SLC9A9: variants seen among roughly 807,000 people sequenced by gnomAD.
SLC9A9 encodes sodium/hydrogen exchanger 9.
A neutral mutation model predicts 77.8 loss-of-function variants in SLC9A9; 62 were observed. The observed-to-expected ratio is 0.80, with a 90% CI of 0.65 to 0.98. The LOEUF is 0.98. Among genes scored for constraint, SLC9A9 ranks in the 50% least tolerant of loss-of-function variants. SLC9A9 has a pLI of 0.00. For synonymous variants in SLC9A9, 320 were observed against 283.5 expected, an observed-to-expected ratio of 1.13 and a Z score of -1.29; for missense variants, 775 against 774.9, an observed-to-expected ratio of 1.00 and a Z score of 0.00.
intron 2 of SLC9A9, among the ~76,000 whole-genome samples, chr3:143,799,314 T>C (rs1212277048): frequency 1.3e-5 from 2 of 152,164 alleles, no homozygotes; most frequent in African/African-American, 2.4e-5. Context: ...CTCCCAACAT[T>C]AAGTAAAGCT....
At chr3:143,748,498 C>A (rs2108822377) in intron 4 of SLC9A9, among the ~76,000 whole-genome samples, 1 of 152,222 alleles carries the variant, frequency 6.6e-6, no homozygotes, top group South Asian at 2.1e-4. Flanking sequence ...TGAAAATTCC[C>A]CTCACTAAAT....
intron 13 of SLC9A9, among the ~76,000 whole-genome samples, chr3:143,368,259 A>G (rs898753169): frequency 1.3e-5 from 2 of 152,196 alleles, no homozygotes; most frequent in African/African-American, 4.8e-5. Flanking sequence ...AGGGAGCAAC[A>G]GAAAAATTAT....
intron 14 of SLC9A9, among the ~76,000 whole-genome samples, chr3:143,320,900 G>T (rs150693857): frequency 2.0e-5 from 3 of 152,288 alleles, no homozygotes; most frequent in African/African-American, 7.2e-5. Flanking sequence ...AAAGAAGAGA[G>T]AAATTTGTAC....
intron 6 of SLC9A9, among the ~76,000 whole-genome samples, chr3:143,616,338 C>A (rs752199860): frequency 6.6e-6 from 1 of 152,000 alleles, no homozygotes. Flanking sequence ...ACTAGAAGTA[C>A]AAAAATTTAT....
chr3:143,336,574 A>G (rs1304135510), intron 14 of SLC9A9, among the ~76,000 whole-genome samples: 2 of 152,222 alleles, frequency 1.3e-5, no homozygotes, highest in Non-Finnish European at 2.9e-5. Context: ...TAAAAAGGAC[A>G]GAAATTCTGT....
At chr3:143,468,819 T>G (rs112264503) in intron 11 of SLC9A9, among the ~76,000 whole-genome samples, 2 of 152,220 alleles carry the variant, frequency 1.3e-5, no homozygotes, top group African/African-American at 4.8e-5. Flanking sequence ...TGTAATATTA[T>G]GCTAATTGCA....
intron 12 of SLC9A9, among the ~76,000 whole-genome samples, chr3:143,441,354 G>A (rs1307759668): frequency 6.6e-6 from 1 of 152,150 alleles, no homozygotes; most frequent in Non-Finnish European, 1.5e-5. Flanking sequence ...GGGAGGGTGG[G>A]AAGTGTACTT....
At position 143,266,380 on chromosome 3, in the gene SLC9A9, G is replaced by A. The variant is rs1004572808; in HGVS notation, c.*322C>T. ...GTGAAGGGCCTGGAGAGCCGCATTC[G>A]CAGCAGAAATGCCCTGAAGACCCAG... On this transcript the variant is annotated 3_prime_UTR_variant, in exon 16 of 16. Transcript: ENST00000316549. 3.8e-5 allele frequency: 21 copies of A among 545,796 alleles called. No homozygotes were observed. Among genetic ancestry groups the A allele is most frequent in the East Asian group, 2.9e-4 (9 of 31,418 alleles). 33.8% of individuals were successfully genotyped at this position (545,796 alleles called of 1,614,324 possible).
At chr3:143,813,884 C>G (rs6784258) in intron 2 of SLC9A9, among the ~76,000 whole-genome samples, 10 of 152,118 alleles carry the variant, frequency 6.6e-5, no homozygotes, top group African/African-American at 2.4e-4. Context: ...GATTAGTTTG[C>G]AGAGACCTCA....
intron 4 of SLC9A9, among the ~76,000 whole-genome samples, chr3:143,732,400 C>A (rs972740734): frequency 1.3e-5 from 2 of 152,188 alleles, no homozygotes; most frequent in Admixed American, 1.3e-4. Context: ...TGGAGCAGAT[C>A]TTCATTACCC....
intron 4 of SLC9A9, among the ~76,000 whole-genome samples, chr3:143,749,684 C>G (rs542383932): frequency 3.3e-5 from 5 of 152,136 alleles, no homozygotes; most frequent in African/African-American, 9.7e-5. Flanking sequence ...ATTTCCAGGA[C>G]GAAGTGGTTC....
chr3:143,675,721 G>A (rs954946155), intron 5 of SLC9A9, among the ~76,000 whole-genome samples: 28 of 152,298 alleles, frequency 1.8e-4, no homozygotes, highest in African/African-American at 5.8e-4. Flanking sequence ...ATATAAAAAT[G>A]ATTGGTTATT....
intron 1 of SLC9A9, among the ~76,000 whole-genome samples, chr3:143,845,876 G>C (rs1254889019): frequency 6.6e-6 from 1 of 152,176 alleles, no homozygotes; most frequent in African/African-American, 2.4e-5. Context: ...TTCAGAATTT[G>C]CTTTCAATAA....
At chr3:143,387,483 T>C (rs1343197234) in intron 12 of SLC9A9, among the ~76,000 whole-genome samples, 1 of 152,090 alleles carries the variant, frequency 6.6e-6, no homozygotes, top group Non-Finnish European at 1.5e-5. Context: ...TAAAAAAGGC[T>C]GGTTAAAATT....
chr3:143,834,396 A>G (rs2009514812), intron 1 of SLC9A9, among the ~76,000 whole-genome samples: 1 of 152,098 alleles, frequency 6.6e-6, no homozygotes, highest in Non-Finnish European at 1.5e-5. Flanking sequence ...TTTTCAACAC[A>G]CGTTGCTTAG....
intron 8 of SLC9A9, among the ~76,000 whole-genome samples, chr3:143,555,057 T>C (rs766090906): frequency 6.6e-6 from 1 of 152,232 alleles, no homozygotes; most frequent in Non-Finnish European, 1.5e-5. Flanking sequence ...AAATCTCATC[T>C]TGTTGTAGTT....
chr3:143,711,494 G>C (rs888870533), intron 4 of SLC9A9, among the ~76,000 whole-genome samples: 3 of 151,862 alleles, frequency 2.0e-5, no homozygotes, highest in Admixed American at 2.0e-4. Flanking sequence ...CCTTCTCCTG[G>C]GCTCAAGGTC....
At chr3:143,565,298 T>C (rs1186932297) in intron 8 of SLC9A9, among the ~76,000 whole-genome samples, 1 of 152,224 alleles carries the variant, frequency 6.6e-6, no homozygotes, top group Non-Finnish European at 1.5e-5. Context: ...TCATTTTTCT[T>C]CTGCATCCAC....
Position 143,652,344 on chromosome 3 carries a change from A to G in SLC9A9, c.666T>C (p.Ile222=). ...SATDPVTVLA[I]FHELHVDPDL... ...CAGGGTCGACGTGCAGTTCATGGAA[A>G]ATGGCCAGCACTGTCACTAGGAAGA... Residue 222 remains isoleucine, a synonymous_variant, in exon 6 of 16, where the codon ATT becomes ATC. Transcript: ENST00000316549. 6.2e-7 allele frequency: 1 copy of G among 1,612,620 alleles called. No individual in the cohort carries two copies. The highest frequency in any genetic ancestry group is 1.1e-5 in the South Asian group (1 of 90,696).
Sources: allele counts gnomAD v4.1 joint callset (sites outside exome capture counted in the v4.1 genomes callset), GRCh38; gene constraint gnomAD v4.1.1; transcripts MANE v1.5; gene names NCBI Gene and HGNC (gene_info 2026-07-23, HGNC 2026-07-21).